The following CFAP77 variants were observed in gnomAD, a reference collection of about 807,000 sequenced individuals.
The protein encoded by CFAP77 is cilia and flagella associated protein 77.
A neutral mutation model predicts 31.1 loss-of-function variants in CFAP77; 25 were observed. That is an observed-to-expected ratio of 0.80 (90% CI 0.59 to 1.12). CFAP77 has a LOEUF of 1.12. Among genes scored for constraint, CFAP77 ranks in the 50% most tolerant of loss-of-function variants. The pLI is 0.00. For missense variants in CFAP77, 377 were observed against 397.3 expected (o/e 0.95, Z 0.44); for synonymous variants, 151 against 159.9 (o/e 0.94, Z 0.42).
intron 1 of CFAP77, among the ~76,000 whole-genome samples, chr9:132,422,735 A>G (rs1040400867): frequency 6.6e-5 from 10 of 152,194 alleles, no homozygotes; most frequent in Non-Finnish European, 1.5e-4. Flanking sequence ...CAAAGGGCTG[A>G]GAGACAGGTC....
At chr9:132,487,602 G>T (rs1221439221) in intron 1 of CFAP77, among the ~76,000 whole-genome samples, 1 of 148,452 alleles carries the variant, frequency 6.7e-6, no homozygotes, top group Non-Finnish European at 1.5e-5. Flanking sequence ...TTTTAACGTG[G>T]TTGTAACAGT....
rs1589885694 is a variant in CFAP77 at position 132,494,850 on chromosome 9, C to T, written c.196-3845C>T. Among the ~76,000 whole-genome samples, 4 of 152,292 alleles carry T rather than the reference C, an allele frequency of 2.6e-5. No homozygotes were observed. The South Asian group carries it at 6.2e-4, about 24-fold the overall frequency. ...TAAGTTCCTATTCAAGTATTTTGCT[C>T]ATTTTTTTCTGTAGGACTATCTGCC... On this transcript the variant is annotated intron_variant, in intron 1 of 5. Transcript: ENST00000393216.
At chr9:132,469,483 A>G (rs1851215278) in intron 1 of CFAP77, among the ~76,000 whole-genome samples, 2 of 152,144 alleles carry the variant, frequency 1.3e-5, no homozygotes, top group Admixed American at 1.3e-4. Context: ...TTTACTTCTG[A>G]GGCGCTGGCA....
At chr9:132,518,630 C>T (rs906375782) in intron 3 of CFAP77, among the ~76,000 whole-genome samples, 4 of 152,182 alleles carry the variant, frequency 2.6e-5, no homozygotes, top group African/African-American at 9.7e-5. Context: ...CATTTGGAAT[C>T]GCTCTTATTC....
At chr9:132,491,455 G>A (rs944897592) in intron 1 of CFAP77, among the ~76,000 whole-genome samples, 2 of 152,148 alleles carry the variant, frequency 1.3e-5, no homozygotes, top group Non-Finnish European at 2.9e-5. Context: ...CAACAAGAGC[G>A]AAACTCCATC....
chr9:132,425,198 C>G (rs780912587), intron 1 of CFAP77, among the ~76,000 whole-genome samples: 5 of 152,250 alleles, frequency 3.3e-5, no homozygotes, highest in Admixed American at 2.0e-4. Context: ...CACATTCTTG[C>G]GTCGCCCCCG....
rs1355731094 is a variant in CFAP77, at chr9:132,484,573, T to G, written c.196-14122T>G. ...ATTGTAACATGGATCAGTGCTTCAT[T>G]CCCGGTTACGGCTGAATAATATTCC... On this transcript the variant is annotated intron_variant, in intron 1 of 5. Coordinates refer to ENST00000393216, the MANE Select transcript of CFAP77 (RefSeq NM_001282957.2). 2.6e-5 allele frequency among the ~76,000 whole-genome samples: 4 copies of G among 152,354 alleles called. No homozygotes were observed. The East Asian group carries it at 7.7e-4, about 29-fold the overall frequency.
At chr9:132,502,530 C>G (rs1851868565) in intron 3 of CFAP77, among the ~76,000 whole-genome samples, 1 of 152,094 alleles carries the variant, frequency 6.6e-6, no homozygotes, top group Non-Finnish European at 1.5e-5. Context: ...CTTTCTGTTC[C>G]TATGAATTTG....
intron 1 of CFAP77, among the ~76,000 whole-genome samples, chr9:132,461,751 A>G (rs1851054049): frequency 6.6e-6 from 1 of 152,184 alleles, no homozygotes; most frequent in African/African-American, 2.4e-5. Flanking sequence ...TAACAAGGCA[A>G]TGACAGTGTG....
At chr9:132,516,207 A>G (rs112475969) in intron 3 of CFAP77, among the ~76,000 whole-genome samples, 203 of 152,306 alleles carry the variant, frequency 1.3e-3, no homozygotes, top group African/African-American at 4.1e-3. Context: ...CTGATTTTTA[A>G]AAAAATATAT....
At chr9:132,428,813 C>CA (rs1216348915) in intron 1 of CFAP77, among the ~76,000 whole-genome samples, 1 of 76,940 alleles carries the variant, frequency 1.3e-5, no homozygotes, top group Non-Finnish European at 3.1e-5. Context: ...ACTTTGAAGA[C>CA]CCCCCCCTGC....
intron 1 of CFAP77, among the ~76,000 whole-genome samples, chr9:132,483,682 C>A (rs546262638): frequency 1.3e-5 from 2 of 152,304 alleles, no homozygotes; most frequent in African/African-American, 4.8e-5. Flanking sequence ...CAGCGAGACT[C>A]AGATGGAAAC....
chr9:132,524,512 C>T (rs1272229078), intron 3 of CFAP77, among the ~76,000 whole-genome samples: 2 of 151,710 alleles, frequency 1.3e-5, no homozygotes, highest in East Asian at 4.0e-4. Context: ...ACTCAGGAGG[C>T]TGAGGCAGGA....
At chr9:132,427,980 T>A (rs1850345037) in intron 1 of CFAP77, among the ~76,000 whole-genome samples, 1 of 151,964 alleles carries the variant, frequency 6.6e-6, no homozygotes, top group South Asian at 2.1e-4. Flanking sequence ...GCTCAAAGTT[T>A]GTTGAGCATT....
intron 1 of CFAP77, among the ~76,000 whole-genome samples, chr9:132,446,226 A>G (rs1464614571): frequency 6.6e-6 from 1 of 152,094 alleles, no homozygotes; most frequent in Non-Finnish European, 1.5e-5. Context: ...CTTCCTTAAA[A>G]TCTAGGAAAT....
chr9:132,558,181 C>G (rs1343986380), intron 5 of CFAP77, among the ~76,000 whole-genome samples: 1 of 152,150 alleles, frequency 6.6e-6, no homozygotes, highest in Non-Finnish European at 1.5e-5. Context: ...CCTAAAATTG[C>G]TTATCTTTTT....
chr9:132,411,275 C>T (rs1473314131), intron 1 of CFAP77, among the ~76,000 whole-genome samples: 2 of 152,204 alleles, frequency 1.3e-5, no homozygotes, highest in Non-Finnish European at 1.5e-5. Flanking sequence ...AAAAATGCGC[C>T]CCGCGTCCCA....
At chr9:132,447,478 T>G (rs1850745680) in intron 1 of CFAP77, among the ~76,000 whole-genome samples, 1 of 152,242 alleles carries the variant, frequency 6.6e-6, no homozygotes, top group Admixed American at 6.5e-5. Flanking sequence ...CTAGGCTGCC[T>G]GGGGTCTTGT....
chr9:132,464,677 A>C (rs1192522064), intron 1 of CFAP77, among the ~76,000 whole-genome samples: 1 of 151,994 alleles, frequency 6.6e-6, no homozygotes, highest in Admixed American at 6.6e-5. Context: ...TGTACTTTAC[A>C]CTCACTGCAC....
Sources: gnomAD v4.1 joint callset for allele counts (sites outside exome capture counted in the v4.1 genomes callset) on GRCh38, gnomAD v4.1.1 for gene constraint, MANE v1.5 for transcripts, NCBI Gene and HGNC (gene_info 2026-07-23, HGNC 2026-07-21) for gene names.